The following USP15 variants were observed in gnomAD, a reference collection of about 807,000 sequenced individuals.
USP15 encodes the protein ubiquitin specific peptidase 15.
In USP15, 18 loss-of-function variants were observed where a neutral mutation model predicts 127.1. The ratio of observed to expected loss-of-function variants is 0.14; its 90% CI spans 0.10 to 0.21. The LOEUF (loss-of-function observed/expected upper bound fraction) is 0.21, where lower values mean the gene tolerates loss of function less well. USP15 is among the 10% of genes least tolerant of loss of function. USP15 has a pLI of 1.00. For missense variants in USP15, 805 were observed against 1,159.9 expected, an observed-to-expected ratio of 0.69 and a Z score of 4.44; for synonymous variants, 364 against 393.7, an observed-to-expected ratio of 0.92 and a Z score of 0.89.
intron 11 of USP15, among the ~76,000 whole-genome samples, chr12:62,384,775 TA>T (rs1201938840): frequency 6.6e-6 from 1 of 151,774 alleles, no homozygotes; most frequent in Non-Finnish European, 1.5e-5. Flanking sequence ...TCAGTTAGAC[TA>T]AAAATATTTT....
rs574407287 is a variant in USP15, at chr12:62,294,470, T to G, written c.217+164T>G. On this transcript the variant is annotated intron_variant, in intron 2 of 21. Coordinates refer to ENST00000280377, the MANE Select transcript of USP15 (RefSeq NM_001252078.2). ...TATTCTAATAAGTTATTAAAAATTTTATTAGTTATTATTCTGTATGACAAG... is the reference window on the plus strand; with the variant it reads ...TATTCTAATAAGTTATTAAAAATTTGATTAGTTATTATTCTGTATGACAAG... 1,693 of 662,144 alleles carry G rather than the reference T, an allele frequency of 2.6e-3. 5 individuals carry two copies. Among genetic ancestry groups the G allele is most frequent in the Non-Finnish European group, 3.6e-3 (1,581 of 434,204 alleles). The allele number at this position is 662,144 out of a possible 1,614,324, so 41.0% of individuals were successfully genotyped here.
At chr12:62,335,576 C>A in intron 6 of USP15, 1 of 1,024,424 alleles carries the variant, frequency 9.8e-7, no homozygotes, top group African/African-American at 1.7e-5. Context: ...CATAGTGCCA[C>A]ACATATGGTA....
intron 8 of USP15, among the ~76,000 whole-genome samples, chr12:62,362,201 C>T (rs953572909): frequency 1.3e-5 from 2 of 151,870 alleles, no homozygotes; most frequent in African/African-American, 4.8e-5. Flanking sequence ...TGAAATTATG[C>T]CAATCAACCT....
At chr12:62,330,805 A>G (rs1020275775) in intron 6 of USP15, among the ~76,000 whole-genome samples, 10 of 151,602 alleles carry the variant, frequency 6.6e-5, no homozygotes, top group African/African-American at 2.4e-4. Flanking sequence ...ATGCACCTGT[A>G]GTCTCAGCTA....
chr12:62,393,277 C>G, intron 19 of USP15, 75 bp downstream of exon 19: 1 of 1,524,384 alleles, frequency 6.6e-7, no homozygotes, highest in South Asian at 1.3e-5. Flanking sequence ...TGTTATTATC[C>G]TTTAGTAAAC....
intron 7 of USP15, among the ~76,000 whole-genome samples, chr12:62,351,355 A>C (rs962429846): frequency 3.3e-5 from 5 of 150,940 alleles, no homozygotes; most frequent in African/African-American, 1.2e-4. Context: ...CTTTAAGTAA[A>C]CTTACCAAAA....
chr12:62,375,132 T>A (rs1365125211), intron 8 of USP15, among the ~76,000 whole-genome samples: 1 of 152,158 alleles, frequency 6.6e-6, no homozygotes, highest in Admixed American at 6.5e-5. Flanking sequence ...AATTTTTATG[T>A]CTGCTTCGAG....
At chr12:62,392,196 A>G in intron 17 of USP15, 76 bp from the exon 18 acceptor site, 2 of 953,498 alleles carry the variant, frequency 2.1e-6, no homozygotes, top group Non-Finnish European at 3.2e-6. Context: ...TTTCATTATT[A>G]TTCATAGTAA....
intron 3 of USP15, among the ~76,000 whole-genome samples, chr12:62,307,478 A>G (rs927703999): frequency 2.0e-5 from 3 of 151,992 alleles, no homozygotes; most frequent in Non-Finnish European, 4.4e-5. Context: ...TGTGTGCTTC[A>G]TTGTTTTATT....
chr12:62,396,881 C>A (rs1258219074), intron 20 of USP15, among the ~76,000 whole-genome samples: 1 of 152,148 alleles, frequency 6.6e-6, no homozygotes, highest in Non-Finnish European at 1.5e-5. Context: ...TGATAGACAT[C>A]TAAATTCCCT....
chr12:62,371,116 A>G (rs925710032), intron 8 of USP15, among the ~76,000 whole-genome samples: 1 of 152,152 alleles, frequency 6.6e-6, no homozygotes, highest in African/African-American at 2.4e-5. Context: ...TTATTGTTTT[A>G]TAAGGCAAAT....
In USP15 at chr12:62,398,869, T is replaced by C. The variant is rs148453292; in HGVS notation, c.2675-2318T>C. Among the ~76,000 whole-genome samples, 678 of 152,344 alleles carry C rather than the reference T, an allele frequency of 4.5e-3. 4 individuals carry two copies. The highest frequency in any genetic ancestry group is 8.0e-3 in the Non-Finnish European group (547 of 68,024). On this transcript the variant is annotated intron_variant, in intron 20 of 21. Coordinates refer to ENST00000280377, the MANE Select transcript of USP15 (RefSeq NM_001252078.2). ...GAGAGGAATTTGTCAGGACTCCTAC[T>C]AAAGTGTTGATTGACCTGCTTCTCC...
intron 4 of USP15, among the ~76,000 whole-genome samples, chr12:62,317,716 T>G (rs1232120753): frequency 6.6e-6 from 1 of 152,186 alleles, no homozygotes; most frequent in African/African-American, 2.4e-5. Flanking sequence ...CTGTTTTCTC[T>G]TGTTACCAAA....
intron 7 of USP15, among the ~76,000 whole-genome samples, chr12:62,352,420 T>C (rs2065991714): frequency 6.6e-6 from 1 of 152,058 alleles, no homozygotes; most frequent in Non-Finnish European, 1.5e-5. Context: ...CAGATTGTCT[T>C]TCTGGTAATA....
In USP15 at chr12:62,413,389, A is replaced by G. The variant is rs2068082178; in HGVS notation, c.*9014A>G. Reference sequence around the variant, plus strand: ...TGAAGCCAAGCATCAACTTTTCTCTAGCTATGAAAGTCCTGGATGACATCT... The same window carrying G: ...TGAAGCCAAGCATCAACTTTTCTCTGGCTATGAAAGTCCTGGATGACATCT... On this transcript the variant is annotated 3_prime_UTR_variant, in exon 22 of 22. Transcript: ENST00000280377. The G allele has an allele frequency of 6.6e-6, 1 of 152,216 alleles. No homozygotes were observed. Among genetic ancestry groups the G allele is most frequent in the East Asian group, 1.9e-4 (1 of 5,202 alleles). 9.4% of individuals were successfully genotyped at this position (152,216 alleles called of 1,614,324 possible).
At chr12:62,272,959 C>G (rs1243309510) in intron 1 of USP15, among the ~76,000 whole-genome samples, 2 of 151,986 alleles carry the variant, frequency 1.3e-5, no homozygotes, top group African/African-American at 2.4e-5. Context: ...TATCTCTTTA[C>G]AGTTAAAAAT....
At chr12:62,305,195 C>T (rs2137208353) in intron 3 of USP15, among the ~76,000 whole-genome samples, 1 of 152,180 alleles carries the variant, frequency 6.6e-6, no homozygotes, top group Admixed American at 6.5e-5. Context: ...AGAAAGGTGT[C>T]ATGCTTTAAA....
At chr12:62,275,888 A>G (rs1378422586) in intron 1 of USP15, among the ~76,000 whole-genome samples, 1 of 152,082 alleles carries the variant, frequency 6.6e-6, no homozygotes, top group East Asian at 1.9e-4. Flanking sequence ...AGACTAGGTA[A>G]GACTGCCAAA....
chr12:62,289,044 A>G (rs939364645), intron 1 of USP15, among the ~76,000 whole-genome samples: 5 of 152,046 alleles, frequency 3.3e-5, no homozygotes, highest in African/African-American at 1.2e-4. Context: ...ATTGATCTGT[A>G]GTTTTCTTTA....
Sources: gnomAD v4.1 joint callset for allele counts (sites outside exome capture counted in the v4.1 genomes callset) on GRCh38, gnomAD v4.1.1 for gene constraint, MANE v1.5 for transcripts, NCBI Gene and HGNC (gene_info 2026-07-23, HGNC 2026-07-21) for gene names.